CAPN13: variants seen among roughly 807,000 people sequenced by gnomAD.
CAPN13 encodes calpain 13.
A neutral mutation model predicts 98.4 loss-of-function variants in CAPN13; 90 were observed. That is an observed-to-expected ratio of 0.92 (90% CI 0.77 to 1.09). The LOEUF (loss-of-function observed/expected upper bound fraction) is 1.09. Among genes scored for constraint, CAPN13 ranks in the 50% least tolerant of loss-of-function variants. The pLI, the probability that CAPN13 is intolerant of heterozygous loss-of-function variation, is 0.00. For synonymous variants in CAPN13, 330 were observed against 305.5 expected, an observed-to-expected ratio of 1.08 and a Z score of -0.84; for missense variants, 887 against 841.3, an observed-to-expected ratio of 1.05 and a Z score of -0.67.
chr2:30,751,837 A>T (rs567690704), intron 10 of CAPN13, among the ~76,000 whole-genome samples: 168 of 152,358 alleles, frequency 1.1e-3, no homozygotes, highest in African/African-American at 3.9e-3. Flanking sequence ...GGCGTAGAGG[A>T]CCATCATAGC....
intron 2 of CAPN13, among the ~76,000 whole-genome samples, 188 bp from the exon 3 acceptor site, chr2:30,777,827 T>C (rs1184048512): frequency 2.0e-5 from 3 of 152,154 alleles, no homozygotes; most frequent in South Asian, 2.1e-4. Flanking sequence ...TCACGGAGTG[T>C]AAATGTAACT....
intron 9 of CAPN13, among the ~76,000 whole-genome samples, chr2:30,753,410 C>T (rs903560504): frequency 1.7e-4 from 26 of 152,172 alleles, no homozygotes; most frequent in African/African-American, 3.6e-4. Flanking sequence ...TGGGGTCTGC[C>T]GGTCACCTGG....
In CAPN13 at chr2:30,743,093, G is replaced by A. The variant is rs547796798; in HGVS notation, c.1445+290C>T. Reference sequence around the variant, plus strand: ...TGTTTTTCTTCAAAGCCCAGCTCACGTGTCATTTCCCTCAAGAAGCCTTCC... The same window carrying A: ...TGTTTTTCTTCAAAGCCCAGCTCACATGTCATTTCCCTCAAGAAGCCTTCC... On this transcript the variant is annotated intron_variant, in intron 13 of 22. Transcript: ENST00000295055. 2.4e-3 allele frequency: 1,037 copies of A among 427,404 alleles called. 3 individuals are homozygous for A. The highest frequency in any genetic ancestry group is 3.4e-3 in the Non-Finnish European group (806 of 239,014). The allele number at this position is 427,404 out of a possible 1,614,324, so 26.5% of individuals were successfully genotyped here.
intron 1 of CAPN13, among the ~76,000 whole-genome samples, chr2:30,788,058 C>T (rs6709502): frequency 0.27 from 41,489 of 151,842 alleles, 9,083 homozygotes; most frequent in African/African-American, 0.6. Flanking sequence ...TTTGGTGTAA[C>T]TTTATAGGTG....
chr2:30,732,221 GAA>G (rs1671136533), intron 20 of CAPN13, among the ~76,000 whole-genome samples: 1 of 152,170 alleles, frequency 6.6e-6, no homozygotes, highest in Non-Finnish European at 1.5e-5. Flanking sequence ...GGGTGATGAG[GAA>G]AAGAGACCTG....
chr2:30,790,122 G>A (rs887690189), intron 1 of CAPN13, among the ~76,000 whole-genome samples: 19 of 152,198 alleles, frequency 1.2e-4, no homozygotes, highest in African/African-American at 3.6e-4. Flanking sequence ...TCTTGGCTTC[G>A]CCAGGGAACA....
rs58134239 is a variant in CAPN13 at position 30,770,266 on chromosome 2, G to T, written c.524+47C>A. ...GACTGTTTGCATTCCGGGTAGGCAG[G>T]ACCAGCACTGAAACTCTGGGCTGAT... is the stretch of plus-strand genomic sequence containing the variant. On this transcript the variant is annotated intron_variant, in intron 5 of 22. Transcript: ENST00000295055. The T allele has an allele frequency of 7.6e-3, 12,253 of 1,602,004 alleles. 771 individuals are homozygous for T. In the African/African-American group the frequency reaches 0.14, roughly 19 times the overall value.
At chr2:30,754,514 C>T (rs1672341994) in intron 8 of CAPN13, 150 bp from the exon 9 acceptor site, 2 of 566,818 alleles carry the variant, frequency 3.5e-6, no homozygotes, top group Admixed American at 4.1e-5. Context: ...CCCAGTTATT[C>T]TCTACCTGTT....
chr2:30,800,622 G>A (rs1465053685), intron 1 of CAPN13, among the ~76,000 whole-genome samples: 1 of 152,218 alleles, frequency 6.6e-6, no homozygotes, highest in Non-Finnish European at 1.5e-5. Context: ...CTTTTCTACT[G>A]TAAGATTCTG....
At chr2:30,752,294 A>T (rs1399277957) in intron 10 of CAPN13, among the ~76,000 whole-genome samples, 1 of 152,190 alleles carries the variant, frequency 6.6e-6, no homozygotes, top group African/African-American at 2.4e-5. Context: ...AAACACACTC[A>T]CACACACAAA....
intron 12 of CAPN13, 51 bp from the exon 13 acceptor site, chr2:30,743,630 G>C (rs1671766783): frequency 6.5e-7 from 1 of 1,550,058 alleles, no homozygotes; most frequent in Non-Finnish European, 8.9e-7. Flanking sequence ...TCTGTGCATG[G>C]ACCCCAGTCA....
chr2:30,753,082 C>T lies in CAPN13; in HGVS notation c.1058G>A (p.Arg353Lys), dbSNP rs745671756. The change falls in exon 10 of 23, where the codon AGG becomes AAG. Residue 353 changes from arginine (R) to lysine (K), a missense_variant. Transcript: ENST00000295055. ...LHEGWSQIMF[R>K]KQVILGNTAG... is the part of the protein sequence containing the mutation. The stretch of plus-strand genomic sequence containing the variant: ...AGTGTTTCCTAGAATCACTTGCTTC[C>T]TAAACATTATTTGGGACCATCCTTC... The T allele has an allele frequency of 2.5e-6, 4 of 1,613,894 alleles. No individual in the cohort carries two copies. The highest frequency in any genetic ancestry group is 3.3e-5 in the Admixed American group (2 of 60,002).
At chr2:30,783,363 T>C (rs1282379314) in intron 2 of CAPN13, among the ~76,000 whole-genome samples, 3 of 152,076 alleles carry the variant, frequency 2.0e-5, no homozygotes, top group Non-Finnish European at 1.5e-5. Flanking sequence ...GGCACCATCA[T>C]GGGCTACTGC....
intron 13 of CAPN13, 85 bp downstream of exon 13, chr2:30,743,298 G>T: frequency 8.3e-7 from 1 of 1,198,858 alleles, no homozygotes; most frequent in Non-Finnish European, 1.2e-6. Flanking sequence ...CTGCACGAAT[G>T]CACAGAGAAC....
chr2:30,731,866 G>A (rs1384952495), intron 20 of CAPN13, among the ~76,000 whole-genome samples: 32 of 152,192 alleles, frequency 2.1e-4, no homozygotes, highest in Admixed American at 2.0e-3. Context: ...TTGCAGCAGT[G>A]CCTCGTGGCA....
intron 8 of CAPN13, 26 bp from the exon 9 acceptor site, chr2:30,754,390 G>A: frequency 6.3e-7 from 1 of 1,575,546 alleles, no homozygotes; most frequent in Non-Finnish European, 8.6e-7. Flanking sequence ...CAAACCACAG[G>A]GTGAGATTTT....
intron 3 of CAPN13, 145 bp from the exon 4 acceptor site, chr2:30,776,190 G>A: frequency 1.8e-6 from 1 of 557,894 alleles, no homozygotes; most frequent in Non-Finnish European, 3.2e-6. Flanking sequence ...AGAACCGGGG[G>A]AGGGAGTCAC....
intron 1 of CAPN13, among the ~76,000 whole-genome samples, chr2:30,799,488 T>C (rs752159543): frequency 2.4e-4 from 36 of 152,164 alleles, no homozygotes; most frequent in Non-Finnish European, 3.7e-4. Context: ...TATGCAGGGC[T>C]CACTTTGCAG....
intron 8 of CAPN13, among the ~76,000 whole-genome samples, chr2:30,756,354 G>A (rs1438320412): frequency 6.6e-6 from 1 of 152,096 alleles, no homozygotes; most frequent in East Asian, 1.9e-4. Context: ...CTCTTCTGAA[G>A]TGAGTCATAC....
Sources: gnomAD v4.1 joint callset for allele counts (sites outside exome capture counted in the v4.1 genomes callset) on GRCh38, gnomAD v4.1.1 for gene constraint, MANE v1.5 for transcripts, NCBI Gene and HGNC (gene_info 2026-07-23, HGNC 2026-07-21) for gene names.